MYO1D: variants seen among roughly 807,000 people sequenced by gnomAD.
The protein encoded by MYO1D is myosin ID.
In MYO1D, 83 loss-of-function variants were observed where a neutral mutation model predicts 122.0. The observed-to-expected ratio is 0.68, with a 90% CI of 0.57 to 0.82. MYO1D has a LOEUF of 0.82. Among genes scored for constraint, MYO1D ranks in the 40% least tolerant of loss-of-function variants. The probability of loss-of-function intolerance (pLI) is 0.00; values close to 1 mark genes in which losing one functional copy is unlikely to be tolerated. For missense variants in MYO1D, 1,157 were observed against 1,269.5 expected (o/e 0.91, Z 1.35); for synonymous variants, 464 against 446.9 (o/e 1.04, Z -0.48).
Position 32,748,943 on chromosome 17 carries a change from C to T in MYO1D, c.1531G>A (p.Asp511Asn), listed in dbSNP as rs146557148. The change falls in exon 12 of 22, where the codon GAT becomes AAT. Residue 511 changes from aspartate (D) to asparagine (N), a missense_variant. Asp to Asn is a conservative substitution (Grantham distance 23). Transcript: ENST00000318217. ...CCAAGGTAAGATACTCACACTACAT[C>T]GCCTGCATAATGTCGAATTCGAAAA... ...RDFRIRHYAG[D>N]VVYSVIGFID... 148 of 1,612,998 alleles carry T rather than the reference C, an allele frequency of 9.2e-5. 2 individuals carry two copies. The East Asian group carries it at 3.0e-3, about 33-fold the overall frequency.
chr17:32,749,680 T>C (rs535357447), intron 11 of MYO1D, among the ~76,000 whole-genome samples: 6 of 152,240 alleles, frequency 3.9e-5, no homozygotes, highest in East Asian at 1.9e-4. Flanking sequence ...TGAGCCAAGA[T>C]TGGGCCACTG....
intron 12 of MYO1D, among the ~76,000 whole-genome samples, chr17:32,747,403 A>G (rs751855482): frequency 3.3e-5 from 5 of 152,172 alleles, no homozygotes; most frequent in Non-Finnish European, 7.4e-5. Context: ...CAGCCCCAAC[A>G]AAAGTTTCAT....
At chr17:32,640,693 T>C (rs2088185682) in intron 19 of MYO1D, among the ~76,000 whole-genome samples, 1 of 151,320 alleles carries the variant, frequency 6.6e-6, no homozygotes, top group Non-Finnish European at 1.5e-5. Flanking sequence ...CCATGGTGTA[T>C]ATGTGCCACA....
At chr17:32,820,644 G>A (rs2090653090) in intron 1 of MYO1D, among the ~76,000 whole-genome samples, 1 of 152,148 alleles carries the variant, frequency 6.6e-6, no homozygotes, top group Non-Finnish European at 1.5e-5. Flanking sequence ...CCATATGAGG[G>A]CATATATGGT....
In MYO1D at chr17:32,721,013, C is replaced by A. The variant is rs373569187; in HGVS notation, c.1913+10G>T. ...AGTGAACTAGGCCTCTCTGACGAGT[C>A]TATTCTCACCTGTGAAGAAACTTCT... On this transcript the variant is annotated intron_variant, in intron 15 of 21. Transcript: ENST00000318217. 5 of 1,611,922 alleles carry A rather than the reference C, an allele frequency of 3.1e-6. No individual in the cohort carries two copies. The highest frequency in any genetic ancestry group is 1.7e-5 in the Admixed American group (1 of 59,824).
intron 21 of MYO1D, among the ~76,000 whole-genome samples, chr17:32,540,749 A>C (rs1282314173): frequency 6.6e-6 from 1 of 151,892 alleles, no homozygotes; most frequent in Non-Finnish European, 1.5e-5. Context: ...AACATGGTGA[A>C]ACCCCGTCTC....
intron 8 of MYO1D, among the ~76,000 whole-genome samples, chr17:32,764,013 T>C (rs903236654): frequency 6.6e-6 from 1 of 152,198 alleles, no homozygotes; most frequent in Non-Finnish European, 1.5e-5. Flanking sequence ...TATATAAGCA[T>C]AGATGTATAA....
At chr17:32,763,914 C>T (rs144719486) in intron 8 of MYO1D, among the ~76,000 whole-genome samples, 4 of 152,146 alleles carry the variant, frequency 2.6e-5, no homozygotes, top group Admixed American at 6.5e-5. Flanking sequence ...AGCAAGACTC[C>T]GTCTCAAAAA....
intron 1 of MYO1D, among the ~76,000 whole-genome samples, chr17:32,793,570 A>G (rs933444495): frequency 2.6e-5 from 4 of 152,086 alleles, no homozygotes; most frequent in African/African-American, 4.8e-5. Context: ...CTTGGTTTAC[A>G]CTTTCTTAAA....
chr17:32,594,454 T>C (rs909547165), intron 21 of MYO1D: 1 of 475,676 alleles, frequency 2.1e-6, no homozygotes, highest in East Asian at 3.3e-5. Context: ...TGAACACTTT[T>C]GTTTGTTTCT....
intron 2 of MYO1D, among the ~76,000 whole-genome samples, chr17:32,780,175 C>T (rs1490247603): frequency 6.6e-6 from 1 of 152,178 alleles, no homozygotes; most frequent in Non-Finnish European, 1.5e-5. Flanking sequence ...TCCCTCAACA[C>T]TAGTTCCCAA....
intron 14 of MYO1D, among the ~76,000 whole-genome samples, chr17:32,732,545 T>C (rs1479409933): frequency 6.6e-6 from 1 of 152,094 alleles, no homozygotes; most frequent in East Asian, 1.9e-4. Context: ...GCTGGTCTCC[T>C]CTATGCTGAG....
At chr17:32,567,353 C>T (rs557803166) in intron 21 of MYO1D, among the ~76,000 whole-genome samples, 9 of 152,316 alleles carry the variant, frequency 5.9e-5, no homozygotes, top group East Asian at 3.9e-4. Context: ...GTAATAATCA[C>T]TATGACAACA....
intron 19 of MYO1D, among the ~76,000 whole-genome samples, chr17:32,649,189 A>C (rs2088347720): frequency 6.6e-6 from 1 of 152,214 alleles, no homozygotes; most frequent in South Asian, 2.1e-4. Context: ...ATTCGGTAAA[A>C]TACACATAAC....
intron 21 of MYO1D, among the ~76,000 whole-genome samples, chr17:32,561,152 T>C (rs979283427): frequency 6.6e-6 from 1 of 151,792 alleles, no homozygotes. Context: ...CCTCAGGTGA[T>C]CCACCCGCCT....
chr17:32,742,163 G>A (rs1292034423), intron 13 of MYO1D, among the ~76,000 whole-genome samples: 2 of 151,982 alleles, frequency 1.3e-5, no homozygotes, highest in East Asian at 3.8e-4. Flanking sequence ...ATTAGGTTTT[G>A]TAAGTAATCT....
chr17:32,720,264 T>C (rs756420050), intron 15 of MYO1D, among the ~76,000 whole-genome samples: 12 of 152,170 alleles, frequency 7.9e-5, no homozygotes, highest in Non-Finnish European at 1.6e-4. Context: ...TTATCAACAA[T>C]AAATTAACAA....
At chr17:32,715,947 T>C (rs2089439285) in intron 15 of MYO1D, among the ~76,000 whole-genome samples, 1 of 152,184 alleles carries the variant, frequency 6.6e-6, no homozygotes, top group African/African-American at 2.4e-5. Context: ...CTCATCTTTA[T>C]TGCTTCAATT....
chr17:32,732,022 T>C (rs1397979115), intron 14 of MYO1D, among the ~76,000 whole-genome samples: 1 of 152,226 alleles, frequency 6.6e-6, no homozygotes, highest in Non-Finnish European at 1.5e-5. Context: ...CTGGGCACTG[T>C]TGCAACCCAG....
Sources: allele counts gnomAD v4.1 joint callset (sites outside exome capture counted in the v4.1 genomes callset), GRCh38; gene constraint gnomAD v4.1.1; transcripts MANE v1.5; gene names NCBI Gene and HGNC (gene_info 2026-07-23, HGNC 2026-07-21).